PLXDC2: variants seen among roughly 807,000 people sequenced by gnomAD.
The protein encoded by PLXDC2 is plexin domain-containing protein 2.
A neutral mutation model predicts 68.9 loss-of-function variants in PLXDC2; 40 were observed. That is an observed-to-expected ratio of 0.58 (90% CI 0.45 to 0.76). The LOEUF (loss-of-function observed/expected upper bound fraction) is 0.76. Among genes scored for constraint, PLXDC2 ranks in the 30% least tolerant of loss-of-function variants. The pLI, the probability that PLXDC2 is intolerant of heterozygous loss-of-function variation, is 0.00. For synonymous variants in PLXDC2, 243 were observed against 234.2 expected, an observed-to-expected ratio of 1.04 and a Z score of -0.34; for missense variants, 644 against 661.9, an observed-to-expected ratio of 0.97 and a Z score of 0.30.
At position 20,280,890 on chromosome 10, in the gene PLXDC2, G is replaced by T. The variant is rs1045683281; in HGVS notation, c.*1071G>T. On this transcript the variant is annotated 3_prime_UTR_variant, in exon 14 of 14. Coordinates refer to ENST00000377252, the MANE Select transcript of PLXDC2 (RefSeq NM_032812.9). ...GAATCATACAGTAATTTTCTTTAAA[G>T]CACATAGTAGTTACATAAATATATA... is the stretch of plus-strand genomic sequence containing the variant. 1 of 151,752 alleles carries T rather than the reference G, an allele frequency of 6.6e-6. No homozygotes were observed. The highest frequency in any genetic ancestry group is 1.5e-5 in the Non-Finnish European group (1 of 67,960). 9.4% of individuals were successfully genotyped at this position (151,752 alleles called of 1,614,324 possible).
At chr10:19,972,696 A>C (rs1834375914) in intron 1 of PLXDC2, among the ~76,000 whole-genome samples, 3 of 152,214 alleles carry the variant, frequency 2.0e-5, no homozygotes, top group African/African-American at 7.2e-5. Flanking sequence ...GACTTGATTA[A>C]GGAGAGAATG....
At chr10:19,880,932 TTC>T (rs1046700147) in intron 1 of PLXDC2, among the ~76,000 whole-genome samples, 3 of 152,216 alleles carry the variant, frequency 2.0e-5, no homozygotes, top group African/African-American at 7.2e-5. Context: ...CATTTTAATT[TTC>T]TTAACAATCT....
intron 1 of PLXDC2, among the ~76,000 whole-genome samples, chr10:19,960,089 G>A (rs1006881525): frequency 1.3e-5 from 2 of 151,302 alleles, no homozygotes. Flanking sequence ...CAGGCAAGAC[G>A]GCTCATGCCT....
rs147387953 is a variant in PLXDC2, at chr10:20,108,006, C to T, written c.542-35289C>T. 6.9e-3 allele frequency among the ~76,000 whole-genome samples: 1,055 copies of T among 152,266 alleles called. 18 individuals are homozygous for T. Among genetic ancestry groups the T allele is most frequent in the African/African-American group, 0.025 (1,022 of 41,572 alleles). The stretch of plus-strand genomic sequence containing the variant: ...GATACAAATTAAATATTGTGCAATT[C>T]TTTTTATTAGACTTTTTGGACTCCT... On this transcript the variant is annotated intron_variant, in intron 4 of 13. Coordinates refer to ENST00000377252, the MANE Select transcript of PLXDC2 (RefSeq NM_032812.9).
chr10:20,279,739 A>G lies in PLXDC2; in HGVS notation c.1510A>G (p.Arg504Gly). Residue 504 changes from arginine to glycine, a missense_variant, in exon 14 of 14, where the codon AGA becomes GGA. Physicochemically the swap from Arg to Gly is moderately radical, Grantham distance 125. This residue lies in a region of PLXDC2 where 330 missense variants were observed against 327.9 expected (regional missense o/e 1.01). Coordinates refer to ENST00000377252, the MANE Select transcript of PLXDC2 (RefSeq NM_032812.9). ...CAGATGGCCTGCGATGAAGTTTAGA[A>G]GAGGCTCTGGACATCCTGCCTATGC... ...PSRWPAMKFR[R>G]GSGHPAYAEV... 6.2e-7 allele frequency: 1 copy of G among 1,613,978 alleles called. No individual in the cohort carries two copies. Among genetic ancestry groups the G allele is most frequent in the Non-Finnish European group, 8.5e-7 (1 of 1,179,928 alleles).
chr10:20,072,277 G>A (rs934069830), intron 4 of PLXDC2, among the ~76,000 whole-genome samples: 4 of 151,718 alleles, frequency 2.6e-5, no homozygotes, highest in Non-Finnish European at 5.9e-5. Flanking sequence ...GGCGGCGACA[G>A]GAGAATCGCT....
At chr10:19,842,553 C>T (rs2131318994) in intron 1 of PLXDC2, among the ~76,000 whole-genome samples, 1 of 152,284 alleles carries the variant, frequency 6.6e-6, no homozygotes, top group Admixed American at 6.5e-5. Flanking sequence ...ATTTAACCAC[C>T]TTATTTTCCC....
intron 1 of PLXDC2, among the ~76,000 whole-genome samples, chr10:19,981,531 G>T (rs1385111012): frequency 6.6e-6 from 1 of 152,132 alleles, no homozygotes; most frequent in Non-Finnish European, 1.5e-5. Flanking sequence ...TTAGCAGAAG[G>T]AGATCTCTGG....
intron 1 of PLXDC2, among the ~76,000 whole-genome samples, chr10:19,964,023 T>C (rs1184717188): frequency 6.6e-6 from 1 of 152,166 alleles, no homozygotes; most frequent in Non-Finnish European, 1.5e-5. Flanking sequence ...ATAAAGAATA[T>C]GGCAACTAGG....
chr10:20,156,497 C>A (rs1166190256), intron 6 of PLXDC2, among the ~76,000 whole-genome samples: 1 of 152,168 alleles, frequency 6.6e-6, no homozygotes, highest in Non-Finnish European at 1.5e-5. Context: ...AAAGTGTGCA[C>A]CCTCCAATTT....
At chr10:20,275,163 G>C (rs1024793906) in intron 13 of PLXDC2, among the ~76,000 whole-genome samples, 1 of 152,078 alleles carries the variant, frequency 6.6e-6, no homozygotes, top group East Asian at 1.9e-4. Context: ...TCCCATGAAG[G>C]TGTGCCAGAG....
intron 6 of PLXDC2, among the ~76,000 whole-genome samples, chr10:20,157,728 C>A (rs1443279431): frequency 2.0e-5 from 3 of 152,188 alleles, no homozygotes; most frequent in Admixed American, 1.3e-4. Context: ...CAACCACTTT[C>A]TGCTTCTATG....
chr10:19,958,125 T>C (rs940882344), intron 1 of PLXDC2, among the ~76,000 whole-genome samples: 4 of 151,990 alleles, frequency 2.6e-5, no homozygotes, highest in South Asian at 2.1e-4. Flanking sequence ...TAAATGAAAA[T>C]TGTTGTTTCT....
At chr10:19,864,073 G>T (rs1236661434) in intron 1 of PLXDC2, among the ~76,000 whole-genome samples, 2 of 152,168 alleles carry the variant, frequency 1.3e-5, no homozygotes, top group African/African-American at 4.8e-5. Flanking sequence ...GGAGTGCAGT[G>T]ATGTGATCAT....
At chr10:20,268,578 A>G (rs1835898592) in intron 13 of PLXDC2, among the ~76,000 whole-genome samples, 1 of 152,210 alleles carries the variant, frequency 6.6e-6, no homozygotes, top group South Asian at 2.1e-4. Context: ...AGTAAAGCAC[A>G]CAATTACTTT....
chr10:20,001,080 C>T (rs1314562485), intron 1 of PLXDC2, among the ~76,000 whole-genome samples: 1 of 152,154 alleles, frequency 6.6e-6, no homozygotes, highest in Admixed American at 6.6e-5. Context: ...CCTTGCCTTC[C>T]CATCCATTTC....
intron 6 of PLXDC2, among the ~76,000 whole-genome samples, chr10:20,158,501 CAAAAAAAAAAAAAAAAA>C (rs59079629): frequency 3.4e-5 from 4 of 118,750 alleles, no homozygotes; most frequent in Non-Finnish European, 6.9e-5. Context: ...TCTGTCTCTG[CAAAAAAAAAAAAAAAAA>C]AAAAAAAAAT....
chr10:20,042,658 A>C (rs1202465511), intron 2 of PLXDC2, among the ~76,000 whole-genome samples: 2 of 152,194 alleles, frequency 1.3e-5, no homozygotes, highest in Non-Finnish European at 2.9e-5. Context: ...TCATTACTGC[A>C]TGAGGCAATG....
chr10:19,820,640 C>CAAA (rs5783700), intron 1 of PLXDC2, among the ~76,000 whole-genome samples: 53 of 127,238 alleles, frequency 4.2e-4, no homozygotes, highest in Non-Finnish European at 7.6e-4. Context: ...GACTCCGTCT[C>CAAA]AAAAAAAAAA....
Sources: allele counts gnomAD v4.1 joint callset (sites outside exome capture counted in the v4.1 genomes callset), GRCh38; gene constraint gnomAD v4.1.1; regional missense constraint gnomAD v4.1.1; transcripts MANE v1.5; gene names NCBI Gene and HGNC (gene_info 2026-07-23, HGNC 2026-07-21).